The following SNX9 variants were observed in gnomAD, a reference collection of about 807,000 sequenced individuals.
The protein encoded by SNX9 is sorting nexin 9.
In SNX9, 44 loss-of-function variants were observed where a neutral mutation model predicts 89.4. The observed-to-expected ratio is 0.49, with a 90% CI of 0.39 to 0.63. The LOEUF (loss-of-function observed/expected upper bound fraction) is 0.63, where lower values mean the gene tolerates loss of function less well. Ranked by LOEUF, SNX9 falls within the 30% of genes least tolerant of loss-of-function variation. SNX9 has a pLI of 0.00. For synonymous variants in SNX9, 236 were observed against 247.8 expected, an observed-to-expected ratio of 0.95 and a Z score of 0.45; for missense variants, 578 against 736.1, an observed-to-expected ratio of 0.79 and a Z score of 2.49.
At chr6:157,936,756 G>A (rs1286369857) in intron 14 of SNX9, among the ~76,000 whole-genome samples, 1 of 152,132 alleles carries the variant, frequency 6.6e-6, no homozygotes, top group Non-Finnish European at 1.5e-5. Context: ...GGACAGGGTA[G>A]GTCCTTGTCA....
intron 1 of SNX9, among the ~76,000 whole-genome samples, chr6:157,841,757 T>C (rs1305908546): frequency 6.6e-6 from 1 of 152,222 alleles, no homozygotes; most frequent in Non-Finnish European, 1.5e-5. Context: ...GTCCCACTTA[T>C]CTTCAAAGTG....
At chr6:157,902,650 A>C (rs1032366363) in intron 6 of SNX9, among the ~76,000 whole-genome samples, 18 of 147,896 alleles carry the variant, frequency 1.2e-4, no homozygotes, top group Admixed American at 8.7e-4. Flanking sequence ...GATTTAAAAC[A>C]AAAAAAAAAG....
chr6:157,893,323 C>G (rs573624293), intron 4 of SNX9, among the ~76,000 whole-genome samples: 1 of 152,280 alleles, frequency 6.6e-6, no homozygotes, highest in African/African-American at 2.4e-5. Context: ...AAACATCTTT[C>G]TCCTGTTAGT....
At chr6:157,864,108 C>T (rs977021076) in intron 1 of SNX9, among the ~76,000 whole-genome samples, 1 of 152,104 alleles carries the variant, frequency 6.6e-6, no homozygotes, top group African/African-American at 2.4e-5. Context: ...TGGAGGCAGG[C>T]GGTTCAAGAT....
rs1784102253 is a variant in SNX9 at position 157,944,410 on chromosome 6, A to G, written c.*1572A>G. On this transcript the variant is annotated 3_prime_UTR_variant, in exon 18 of 18. Transcript: ENST00000392185. ...AATGTTTATGCTATAGCCATTTAATATATGTACAAATTGTAAAGAATATGT... is the reference window on the plus strand; with the variant it reads ...AATGTTTATGCTATAGCCATTTAATGTATGTACAAATTGTAAAGAATATGT... 1 of 152,676 alleles carries G rather than the reference A, an allele frequency of 6.5e-6. No homozygotes were observed. Among genetic ancestry groups the G allele is most frequent in the Admixed American group, 6.5e-5 (1 of 15,292 alleles). The allele number at this position is 152,676 out of a possible 1,614,324, so 9.5% of individuals were successfully genotyped here. A position where few individuals can be genotyped will look rare whatever the true frequency, so the allele number is the denominator to read the frequency against.
chr6:157,930,668 A>G (rs968494753), intron 12 of SNX9, among the ~76,000 whole-genome samples: 2 of 152,202 alleles, frequency 1.3e-5, no homozygotes, highest in African/African-American at 2.4e-5. Context: ...ATGAGAATCT[A>G]ATGCCTGATA....
intron 1 of SNX9, among the ~76,000 whole-genome samples, chr6:157,839,767 C>G (rs572647907): frequency 5.3e-5 from 8 of 152,258 alleles, no homozygotes; most frequent in African/African-American, 1.4e-4. Context: ...TCTTGCCCTC[C>G]AGTCTCCTCT....
intron 1 of SNX9, among the ~76,000 whole-genome samples, chr6:157,848,178 A>G (rs528395001): frequency 3.9e-5 from 6 of 152,316 alleles, no homozygotes; most frequent in South Asian, 2.1e-4. Flanking sequence ...TTTCACCACT[A>G]TGTCCCCCTA....
intron 1 of SNX9, among the ~76,000 whole-genome samples, chr6:157,843,013 C>T (rs1227958159): frequency 6.6e-6 from 1 of 152,116 alleles, no homozygotes; most frequent in African/African-American, 2.4e-5. Context: ...GGCCTGTGCT[C>T]AGGAATGAAC....
At chr6:157,873,472 C>T (rs1334893904) in intron 3 of SNX9, among the ~76,000 whole-genome samples, 1 of 147,080 alleles carries the variant, frequency 6.8e-6, no homozygotes, top group Non-Finnish European at 1.5e-5. Flanking sequence ...CTAATATTAT[C>T]TATATTATAA....
At chr6:157,857,811 T>C (rs941356022) in intron 1 of SNX9, among the ~76,000 whole-genome samples, 3 of 152,156 alleles carry the variant, frequency 2.0e-5, no homozygotes, top group African/African-American at 7.2e-5. Context: ...ATTGATGATA[T>C]TGGGGCTTCT....
At chr6:157,894,555 C>T (rs1484836048) in intron 4 of SNX9, among the ~76,000 whole-genome samples, 1 of 150,176 alleles carries the variant, frequency 6.7e-6, no homozygotes, top group Admixed American at 6.6e-5. Context: ...GCTAAGTGTA[C>T]TCTCTACTGG....
At chr6:157,935,917 G>T in intron 13 of SNX9, 47 bp from the exon 14 acceptor site, 1 of 1,367,440 alleles carries the variant, frequency 7.3e-7, no homozygotes, top group South Asian at 1.4e-5. Context: ...CAAGTGAAAA[G>T]AAAATATGCA....
At chr6:157,917,325 A>G (rs929344658) in intron 9 of SNX9, among the ~76,000 whole-genome samples, 5 of 149,392 alleles carry the variant, frequency 3.3e-5, no homozygotes, top group South Asian at 2.1e-4. Context: ...TATCATTTCT[A>G]TCGCTTGGTT....
chr6:157,940,449 G>A (rs750807669), intron 16 of SNX9, among the ~76,000 whole-genome samples: 2 of 152,142 alleles, frequency 1.3e-5, no homozygotes, highest in African/African-American at 4.8e-5. Flanking sequence ...AGACAGTCTC[G>A]CTCTGTCACC....
chr6:157,909,411 G>T (rs935315632), intron 7 of SNX9, among the ~76,000 whole-genome samples: 2 of 152,154 alleles, frequency 1.3e-5, no homozygotes. Context: ...CTTGGGAGAG[G>T]GAAGCTGGTG....
intron 2 of SNX9, 24 bp from the exon 3 acceptor site, chr6:157,873,072 CTTTTTT>C: frequency 1.1e-5 from 14 of 1,323,778 alleles, no homozygotes; most frequent in South Asian, 3.1e-5. Context: ...TAATCTTTTT[CTTTTTT>C]TTTTTTTTTT....
intron 2 of SNX9, 129 bp from the exon 3 acceptor site, chr6:157,872,973 G>T: frequency 1.8e-6 from 1 of 553,022 alleles, no homozygotes; most frequent in Non-Finnish European, 2.9e-6. Flanking sequence ...TTTGAACGGT[G>T]TTCTCTAGGA....
At chr6:157,902,194 T>C in intron 6 of SNX9, 149 bp downstream of exon 6, 1 of 586,504 alleles carries the variant, frequency 1.7e-6, no homozygotes. Flanking sequence ...TATTTGGATC[T>C]TAACTGAGAA....
Sources: allele counts gnomAD v4.1 joint callset (sites outside exome capture counted in the v4.1 genomes callset), GRCh38; gene constraint gnomAD v4.1.1; transcripts MANE v1.5; gene names NCBI Gene and HGNC (gene_info 2026-07-23, HGNC 2026-07-21).